Variants in CSMD1 observed in about 807,000 individuals in gnomAD.
CSMD1 encodes CUB and Sushi multiple domains 1.
Under a neutral mutation model 417.5 loss-of-function variants are expected in CSMD1, and 213 were observed. That is an observed-to-expected ratio of 0.51 (90% CI 0.46 to 0.57). CSMD1 has a LOEUF of 0.57. Among genes scored for constraint, CSMD1 ranks in the 20% least tolerant of loss-of-function variants. The probability of loss-of-function intolerance (pLI) is 0.00; values close to 1 mark genes in which losing one functional copy is unlikely to be tolerated. For synonymous variants in CSMD1, 2,862 were observed against 1,736.8 expected (o/e 1.65, Z -16.11); for missense variants, 6,923 against 4,529.7 (o/e 1.53, Z -15.17).
chr8:4,785,348 G>T (rs1400946848), intron 1 of CSMD1, among the ~76,000 whole-genome samples: 1 of 152,140 alleles, frequency 6.6e-6, no homozygotes, highest in African/African-American at 2.4e-5. Context: ...TTAGGCTGAT[G>T]GTGTGGAGGT....
intron 6 of CSMD1, among the ~76,000 whole-genome samples, chr8:3,736,498 G>C (rs1796527557): frequency 6.6e-6 from 1 of 152,140 alleles, no homozygotes; most frequent in Non-Finnish European, 1.5e-5. Context: ...TCCCTCCTCA[G>C]CTTCCCAAAT....
intron 26 of CSMD1, among the ~76,000 whole-genome samples, chr8:3,245,334 A>C (rs1351351804): frequency 1.3e-5 from 2 of 152,140 alleles, no homozygotes; most frequent in African/African-American, 4.8e-5. Context: ...AGCCTGTGTA[A>C]GGGCATTTGC....
chr8:4,352,566 T>C (rs1801159761), intron 3 of CSMD1, among the ~76,000 whole-genome samples: 1 of 152,242 alleles, frequency 6.6e-6, no homozygotes, highest in Admixed American at 6.5e-5. Flanking sequence ...TCCTTTCATT[T>C]TCCATGTAAC....
At chr8:3,714,628 T>G (rs368199131) in intron 6 of CSMD1, among the ~76,000 whole-genome samples, 2 of 148,144 alleles carry the variant, frequency 1.4e-5, no homozygotes, top group Middle Eastern at 3.3e-3. Flanking sequence ...TCCCAGCTAG[T>G]TGGGAGGCTG....
chr8:3,247,228 C>G (rs912185798), intron 26 of CSMD1, among the ~76,000 whole-genome samples: 6 of 152,146 alleles, frequency 3.9e-5, no homozygotes, highest in African/African-American at 1.2e-4. Flanking sequence ...CCTTCCTTGA[C>G]AAATGTACAT....
chr8:3,835,973 C>G (rs1213251498), intron 5 of CSMD1, among the ~76,000 whole-genome samples: 2 of 152,078 alleles, frequency 1.3e-5, no homozygotes, highest in Non-Finnish European at 2.9e-5. Flanking sequence ...AAGACCTTGA[C>G]TCTCTTATTA....
At chr8:4,316,560 A>C (rs1051837546) in intron 3 of CSMD1, among the ~76,000 whole-genome samples, 1 of 152,164 alleles carries the variant, frequency 6.6e-6, no homozygotes, top group Non-Finnish European at 1.5e-5. Flanking sequence ...TATAATTAAT[A>C]ACTTTCCACT....
At chr8:3,773,421 G>A (rs1004178536) in intron 5 of CSMD1, among the ~76,000 whole-genome samples, 3 of 152,020 alleles carry the variant, frequency 2.0e-5, no homozygotes, top group African/African-American at 7.2e-5. Flanking sequence ...AGAGTAGCTG[G>A]GACGACAGTC....
intron 1 of CSMD1, among the ~76,000 whole-genome samples, chr8:4,732,933 AG>A (rs1413556639): frequency 6.6e-6 from 1 of 152,166 alleles, no homozygotes; most frequent in Non-Finnish European, 1.5e-5. Flanking sequence ...ATCGGGAGGC[AG>A]CAAGGGCGGA....
intron 7 of CSMD1, among the ~76,000 whole-genome samples, chr8:3,693,320 A>G (rs1254348127): frequency 6.6e-6 from 1 of 152,228 alleles, no homozygotes; most frequent in Non-Finnish European, 1.5e-5. Flanking sequence ...TATATATATG[A>G]TAATTTTTTT....
chr8:4,077,279 C>CTATATATATATATGTGTATATATA (rs1281597523), intron 3 of CSMD1, among the ~76,000 whole-genome samples: 10 of 94,992 alleles, frequency 1.1e-4, no homozygotes, highest in Non-Finnish European at 1.9e-4. Flanking sequence ...CATTTGTCAC[C>CTATATATATATATGTGTATATATA]TATATATATA....
intron 2 of CSMD1, among the ~76,000 whole-genome samples, chr8:4,618,878 T>A (rs775842605): frequency 3.5e-4 from 54 of 152,132 alleles, no homozygotes; most frequent in Non-Finnish European, 5.4e-4. Context: ...AGAGTACACG[T>A]AATAGAATAG....
chr8:4,756,776 G>C (rs919881674), intron 1 of CSMD1, among the ~76,000 whole-genome samples: 1 of 152,144 alleles, frequency 6.6e-6, no homozygotes. Context: ...GTCATCTTGG[G>C]CATTTTAGGT....
At chr8:3,572,919 G>C (rs942411793) in intron 10 of CSMD1, among the ~76,000 whole-genome samples, 5 of 152,004 alleles carry the variant, frequency 3.3e-5, no homozygotes, top group African/African-American at 1.2e-4. Context: ...ATTTTCTGGA[G>C]ACCAAACAGA....
At chr8:3,879,838 T>TGTGC (rs763324147) in intron 5 of CSMD1, among the ~76,000 whole-genome samples, 5 of 91,490 alleles carry the variant, frequency 5.5e-5, no homozygotes, top group African/African-American at 1.6e-4. Context: ...TGCGTGTGCG[T>TGTGC]GTGTGTGTGT....
At chr8:4,039,634 G>A (rs560072339) in intron 3 of CSMD1, among the ~76,000 whole-genome samples, 13 of 152,268 alleles carry the variant, frequency 8.5e-5, no homozygotes, top group Admixed American at 7.2e-4. Flanking sequence ...TGAAAGAGAA[G>A]GACCTCATGG....
chr8:3,825,615 T>C (rs1802013695), intron 5 of CSMD1, among the ~76,000 whole-genome samples: 1 of 152,052 alleles, frequency 6.6e-6, no homozygotes, highest in African/African-American at 2.4e-5. Flanking sequence ...AAGAGTACAG[T>C]TGGTTCTTAG....
chr8:4,215,918 G>A (rs542624930), intron 3 of CSMD1, among the ~76,000 whole-genome samples: 4 of 152,246 alleles, frequency 2.6e-5, no homozygotes, highest in South Asian at 2.1e-4. Context: ...CAAAGAGAAC[G>A]TGGATTCATG....
chr8:3,167,149 G>A lies in CSMD1; in HGVS notation c.5726-4872C>T, dbSNP rs542394891. On this transcript the variant is annotated intron_variant, in intron 37 of 69. Transcript: ENST00000635120. ...AGAATACAAAAATTAGCCAGGCGTG[G>A]TGGCATGTGCCTGTAATCGCAGGTA... Among the ~76,000 whole-genome samples the A allele has an allele frequency of 3.3e-5, 5 of 152,210 alleles. No homozygotes were observed. The South Asian group carries it at 1.0e-3, about 32-fold the overall frequency.
Sources: allele counts gnomAD v4.1 joint callset (sites outside exome capture counted in the v4.1 genomes callset), GRCh38; gene constraint gnomAD v4.1.1; transcripts MANE v1.5; gene names NCBI Gene and HGNC (gene_info 2026-07-23, HGNC 2026-07-21).